The following RAI2 variants were observed in gnomAD, a reference collection of about 807,000 sequenced individuals.
RAI2 encodes retinoic acid induced 2, also known as retinoic acid-induced protein 2.
A neutral mutation model predicts 15.3 loss-of-function variants in RAI2; 5 were observed. That is an observed-to-expected ratio of 0.33 (90% CI 0.17 to 0.69). RAI2 has a LOEUF of 0.69. RAI2 is among the 30% of genes least tolerant of loss of function. RAI2 has a pLI of 0.69. For missense variants in RAI2, 424 were observed against 424.7 expected (o/e 1.00, Z 0.01); for synonymous variants, 191 against 184.0 (o/e 1.04, Z -0.31).
At chrX:17,841,595 A>T (rs1003655232) in intron 1 of RAI2, among the ~76,000 whole-genome samples, 4 of 112,376 alleles carry the variant, frequency 3.6e-5, no homozygotes, top group Non-Finnish European at 7.5e-5. Flanking sequence ...GTACAATACG[A>T]TACTATTCAT....
rs1464229310 is a variant in RAI2, at chrX:17,800,818, A to G, written c.1193T>C (p.Met398Thr). The G allele has an allele frequency of 8.3e-6, 10 of 1,211,963 alleles. No individual in the cohort carries two copies. Among genetic ancestry groups the G allele is most frequent in the South Asian group, 3.5e-5 (2 of 57,015 alleles). Reference protein sequence around the residue: ...PATSHEAPAMMDSHISSSDAA... With the variant: ...PATSHEAPAMTDSHISSSDAA... ...ATCACTGCTGCTGATGTGACTATCCATCATGGCTGGGGCCTCATGGGACGT... is the reference window on the plus strand; with the variant it reads ...ATCACTGCTGCTGATGTGACTATCCGTCATGGCTGGGGCCTCATGGGACGT... Residue 398 changes from methionine (M) to threonine (T), a missense_variant, in exon 2 of 2, where the codon ATG becomes ACG. Met to Thr is a moderately conservative substitution (Grantham distance 81, BLOSUM62 -1). Transcript: ENST00000451717.
At chrX:17,859,664 A>AG in intron 1 of RAI2, among the ~76,000 whole-genome samples, 1 of 112,741 alleles carries the variant, frequency 8.9e-6, no homozygotes, top group Admixed American at 9.3e-5. Flanking sequence ...ACGCCAGATG[A>AG]GGGGGGCCGG....
intron 1 of RAI2, among the ~76,000 whole-genome samples, chrX:17,853,158 C>A (rs1229593301): frequency 9.0e-6 from 1 of 111,127 alleles, no homozygotes; most frequent in African/African-American, 3.3e-5. Context: ...TTATGAAAAA[C>A]CAGAGAAGCC....
intron 1 of RAI2, among the ~76,000 whole-genome samples, chrX:17,818,944 C>T (rs1291621529): frequency 1.8e-5 from 2 of 112,743 alleles, no homozygotes; most frequent in South Asian, 3.7e-4. Context: ...GTCTGTGTGG[C>T]GTGCCACACC....
At chrX:17,816,040 TTTTC>T (rs1265771102) in intron 1 of RAI2, among the ~76,000 whole-genome samples, 3 of 109,691 alleles carry the variant, frequency 2.7e-5, no homozygotes, top group Non-Finnish European at 5.7e-5. Context: ...CTTTCATTCT[TTTTC>T]TTTCTCTCTC....
At chrX:17,803,935 C>G (rs2066948833) in intron 1 of RAI2, among the ~76,000 whole-genome samples, 2 of 103,131 alleles carry the variant, frequency 1.9e-5, no homozygotes, top group Admixed American at 2.0e-4. Flanking sequence ...CTCCAACATG[C>G]CTTTTTTTTT....
intron 1 of RAI2, among the ~76,000 whole-genome samples, chrX:17,817,272 G>C (rs1366640216): frequency 9.0e-6 from 1 of 110,732 alleles, no homozygotes; most frequent in Non-Finnish European, 1.9e-5. Context: ...ACCAAGCTCA[G>C]AGCACCCCAG....
rs1364687117 is a variant in RAI2 at position 17,801,580 on chromosome X, G to T, written c.431C>A (p.Ala144Asp). 3.3e-6 allele frequency: 4 copies of T among 1,209,037 alleles called. No individual in the cohort carries two copies. The change falls in exon 2 of 2, where the codon GCC becomes GAC. Residue 144 changes from alanine (A) to aspartate (D), a missense_variant. Coordinates refer to ENST00000451717, the MANE Select transcript of RAI2 (RefSeq NM_021785.6). ...GTGGATGGTACTGGAGGAGCATGGG[G>T]CCTCCTGCGGCAGGACCAGAGGGGA... is the stretch of plus-strand genomic sequence containing the variant. Reference protein sequence around the residue: ...LNSPLVLPQEAPCSSSTIHNN... With the variant: ...LNSPLVLPQEDPCSSSTIHNN...
In RAI2 at chrX:17,801,249, C is replaced by G. The variant is rs2066904953; in HGVS notation, c.762G>C (p.Gln254His). 1 of 1,203,247 alleles carries G rather than the reference C, an allele frequency of 8.3e-7. No homozygotes were observed. The highest frequency in any genetic ancestry group is 1.8e-5 in the South Asian group (1 of 55,924). ...VPIPIPIPMP[Q>H]SSESKFSSSF... ...TGGAGCTGAACTTGGATTCAGAACT[C>G]TGAGGCATCGGGATGGGGATGGGAA... The change falls in exon 2 of 2, where the codon CAG (glutamine) becomes CAC (histidine). Residue 254 changes from glutamine to histidine, a missense_variant. Coordinates refer to ENST00000451717, the MANE Select transcript of RAI2 (RefSeq NM_021785.6).
chrX:17,828,867 C>T (rs1471101352), intron 1 of RAI2, among the ~76,000 whole-genome samples: 1 of 111,556 alleles, frequency 9.0e-6, no homozygotes, highest in Non-Finnish European at 1.9e-5. Context: ...GGGTTTGAGA[C>T]ACCCCCATAA....
At chrX:17,857,069 C>T (rs374124729) in intron 1 of RAI2, among the ~76,000 whole-genome samples, 3 of 111,736 alleles carry the variant, frequency 2.7e-5, no homozygotes, top group Non-Finnish European at 5.6e-5. Context: ...CCCGGGCAGA[C>T]GATCAGGTGG....
chrX:17,828,425 G>A (rs961532687), intron 1 of RAI2, among the ~76,000 whole-genome samples: 7 of 111,806 alleles, frequency 6.3e-5, no homozygotes, highest in East Asian at 2.8e-4. Context: ...GCTAATACCC[G>A]CTTCCTTTGG....
At chrX:17,814,612 C>T (rs1011440728) in intron 1 of RAI2, among the ~76,000 whole-genome samples, 1 of 109,244 alleles carries the variant, frequency 9.2e-6, no homozygotes, top group Non-Finnish European at 1.9e-5. Context: ...AATAACAATG[C>T]TCACACTACA....
At chrX:17,838,658 G>GCA (rs35063479) in intron 1 of RAI2, among the ~76,000 whole-genome samples, 1,893 of 101,121 alleles carry the variant, frequency 0.019, 62 homozygotes, top group South Asian at 0.14. Flanking sequence ...CACACACACA[G>GCA]CACACACACA....
intron 1 of RAI2, among the ~76,000 whole-genome samples, chrX:17,855,645 C>G (rs779540127): frequency 9.0e-6 from 1 of 111,555 alleles, no homozygotes; most frequent in African/African-American, 3.3e-5. Flanking sequence ...AGATGGAGAG[C>G]GTTTATGTCC....
rs776659769 is a variant in RAI2 at position 17,801,143 on chromosome X, G to A, written c.868C>T (p.Pro290Ser). Reference sequence around the variant, plus strand: ...TCCTTAGGCTGGAGGATGTCAAAGGGCTTCAGTTCATCTTTTTCCAGAGGG... The same window carrying A: ...TCCTTAGGCTGGAGGATGTCAAAGGACTTCAGTTCATCTTTTTCCAGAGGG... The part of the protein sequence containing the change: ...QTPLEKDELK[P>S]FDILQPKEYF... The change falls in exon 2 of 2, where the codon CCC (proline) becomes TCC (serine). Residue 290 changes from proline to serine, a missense_variant. By Grantham distance (74) the Pro-to-Ser change is moderately conservative. Transcript: ENST00000451717. 5 of 1,211,462 alleles carry A rather than the reference G, an allele frequency of 4.1e-6. No homozygotes were observed. The South Asian group carries it at 8.8e-5, about 21-fold the overall frequency.
intron 1 of RAI2, among the ~76,000 whole-genome samples, chrX:17,852,170 C>T (rs1055382506): frequency 8.0e-5 from 9 of 111,840 alleles, no homozygotes; most frequent in East Asian, 2.8e-4. Flanking sequence ...ATTATTTATC[C>T]GCCTGAGCCC....
At chrX:17,860,790 C>G (rs1163916617) in intron 1 of RAI2, 4 of 107,628 alleles carry the variant, frequency 3.7e-5, no homozygotes, top group Non-Finnish European at 5.9e-5. Flanking sequence ...GGGGCCCCCG[C>G]CCCGCCGGCC....
At chrX:17,802,088 C>T in intron 1 of RAI2, 54 bp from the exon 2 acceptor site, 1 of 1,128,385 alleles carries the variant, frequency 8.9e-7, no homozygotes, top group Non-Finnish European at 1.2e-6. Context: ...TTTATAATTG[C>T]CTTAAGAGCT....
Sources: gnomAD v4.1 joint callset for allele counts (sites outside exome capture counted in the v4.1 genomes callset) on GRCh38, gnomAD v4.1.1 for gene constraint, MANE v1.5 for transcripts, NCBI Gene and HGNC (gene_info 2026-07-23, HGNC 2026-07-21) for gene names.